Variants in RAB37 observed in about 807,000 individuals in gnomAD.
RAB37 encodes the protein RAB37, member RAS oncogene family.
In RAB37, 29 loss-of-function variants were observed where a neutral mutation model predicts 33.1. That is an observed-to-expected ratio of 0.88 (90% CI 0.65 to 1.20). The LOEUF (loss-of-function observed/expected upper bound fraction) is 1.20, where lower values mean the gene tolerates loss of function less well. RAB37 is among the 50% of genes most tolerant of loss of function. The pLI, the probability that RAB37 is intolerant of heterozygous loss-of-function variation, is 0.00. For missense variants in RAB37, 299 were observed against 301.1 expected, an observed-to-expected ratio of 0.99 and a Z score of 0.05; for synonymous variants, 128 against 119.5, an observed-to-expected ratio of 1.07 and a Z score of -0.47.
chr17:74,700,267 T>C (rs1485989410), intron 1 of RAB37, among the ~76,000 whole-genome samples: 2 of 152,136 alleles, frequency 1.3e-5, no homozygotes, highest in African/African-American at 4.8e-5. Flanking sequence ...GACAATGGCC[T>C]CCACTCCTGC....
Position 74,729,968 on chromosome 17 carries a change from T to G in RAB37, c.183+602T>G, listed in dbSNP as rs1022159492. 3.3e-5 allele frequency among the ~76,000 whole-genome samples: 5 copies of G among 152,142 alleles called. No homozygotes were observed. The highest frequency in any genetic ancestry group is 6.5e-5 in the Admixed American group (1 of 15,276). On this transcript the variant is annotated intron_variant, in intron 2 of 7. Transcript: ENST00000340415. The surrounding 1 kb of genome is among the most constrained non-coding windows in gnomAD (Gnocchi z 4.2). ...GCCCAGGTTACAGTTCCGTGTTTAG[T>G]CCTCGGTAAAATGGTAAAAGGGCAG...
Position 74,686,565 on chromosome 17 carries a change from ATT to A in RAB37, c.72+14914_72+14915del, listed in dbSNP as rs536902826. On this transcript the variant is annotated intron_variant, in intron 1 of 7. Coordinates refer to the RAB37 transcript ENST00000340415. The stretch of plus-strand genomic sequence containing the variant: ...ACCACTACACCTAGCTAGTTTTTGT[ATT>A]TTTTTTAGTAGATACGAGGTTTTGC... Among the ~76,000 whole-genome samples, 44 of 150,020 alleles carry A rather than the reference ATT, an allele frequency of 2.9e-4. No homozygotes were observed. The South Asian group carries it at 9.1e-3, about 31-fold the overall frequency.
intron 1 of RAB37, among the ~76,000 whole-genome samples, chr17:74,683,184 C>G (rs751301850): frequency 2.0e-5 from 3 of 152,198 alleles, no homozygotes; most frequent in Admixed American, 6.5e-5. Context: ...ACTGCTGTCA[C>G]CCTATGAAGC....
chr17:74,694,393 G>A (rs1269246169), intron 1 of RAB37: 2 of 152,204 alleles, frequency 1.3e-5, no homozygotes, highest in African/African-American at 4.8e-5. Flanking sequence ...ATGGGCTCAA[G>A]TCAAGGCGTG....
intron 2 of RAB37, among the ~76,000 whole-genome samples, chr17:74,732,184 CA>C (rs1481687741): frequency 6.6e-6 from 1 of 152,204 alleles, no homozygotes; most frequent in Non-Finnish European, 1.5e-5. Context: ...TAAAAGCCTC[CA>C]GGGGGAAGCT....
At chr17:74,688,306 T>C (rs2032093876) in intron 1 of RAB37, among the ~76,000 whole-genome samples, 1 of 152,018 alleles carries the variant, frequency 6.6e-6, no homozygotes, top group African/African-American at 2.4e-5. Context: ...TCCCAGCACT[T>C]TGGGAGGCCA....
At chr17:74,700,450 G>A (rs1031177682) in intron 1 of RAB37, among the ~76,000 whole-genome samples, 1 of 152,048 alleles carries the variant, frequency 6.6e-6, no homozygotes, top group Non-Finnish European at 1.5e-5. Flanking sequence ...CTTTGCTCAA[G>A]AATCACTCGA....
intron 1 of RAB37, among the ~76,000 whole-genome samples, chr17:74,728,845 C>T (rs566453588): frequency 8.3e-4 from 125 of 150,430 alleles, no homozygotes; most frequent in African/African-American, 2.9e-3. Context: ...GTGTCTTGTG[C>T]ATGTATGTTT....
upstream of RAB37, among the ~76,000 whole-genome samples, chr17:74,734,946 AAG>A (rs1294497287): frequency 8.6e-6 from 1 of 116,356 alleles, no homozygotes; most frequent in African/African-American, 4.2e-5. Context: ...GAAAGAAAGA[AAG>A]AGAGAAAGAA....
At chr17:74,690,943 G>A (rs146260172) in intron 1 of RAB37, among the ~76,000 whole-genome samples, 1 of 152,240 alleles carries the variant, frequency 6.6e-6, no homozygotes, top group Non-Finnish European at 1.5e-5. Flanking sequence ...TTTTGAGACA[G>A]GGTCTCGTTC....
At chr17:74,727,648 G>A (rs2034321553) in intron 1 of RAB37, among the ~76,000 whole-genome samples, 1 of 152,256 alleles carries the variant, frequency 6.6e-6, no homozygotes, top group Non-Finnish European at 1.5e-5. Flanking sequence ...CGGCAGTGGG[G>A]ACCATCGGTC....
chr17:74,704,343 G>T (rs1394887380), intron 1 of RAB37: 2 of 674,398 alleles, frequency 3.0e-6, no homozygotes, highest in African/African-American at 1.8e-5. Flanking sequence ...GTCCCAGGTG[G>T]TCAGTCAGGG....
chr17:74,729,996 C>T lies in RAB37; in HGVS notation c.183+630C>T, dbSNP rs1352258903. 6.6e-6 allele frequency among the ~76,000 whole-genome samples: 1 copy of T among 152,094 alleles called. No homozygotes were observed. The highest frequency in any genetic ancestry group is 1.5e-5 in the Non-Finnish European group (1 of 68,022). On this transcript the variant is annotated intron_variant, in intron 2 of 7. Transcript: ENST00000340415. This position sits in a 1 kb window ranked among gnomAD's most constrained non-coding sequence, Gnocchi z 4.2. ...TCGGTAAAATGGTAAAAGGGCAGCT[C>T]GGGTTAAGGAAGCCCAGTGCCCTCG...
chr17:74,696,935 T>C (rs969381004), intron 1 of RAB37, among the ~76,000 whole-genome samples: 1 of 151,658 alleles, frequency 6.6e-6, no homozygotes, highest in Admixed American at 6.6e-5. Context: ...TTTGGTTTGG[T>C]TTGGTTTGGT....
chr17:74,695,721 G>T, intron 1 of RAB37: 1 of 1,614,090 alleles, frequency 6.2e-7, no homozygotes, highest in Non-Finnish European at 8.5e-7. Context: ...CATGGAGGAC[G>T]CACCATGGTG....
chr17:74,742,058 C>T lies in RAB37; in HGVS notation c.205-196C>T, dbSNP rs2034632142. Among the ~76,000 whole-genome samples the T allele has an allele frequency of 6.6e-6, 1 of 152,182 alleles. No individual in the cohort carries two copies. The highest frequency in any genetic ancestry group is 2.1e-4 in the South Asian group (1 of 4,834). Reference sequence around the variant, plus strand: ...CTGTTGTGAGAAGGCAGTTACAGTCCTCAGAAGGGACGACTCCACAGTGGA... The same window carrying T: ...CTGTTGTGAGAAGGCAGTTACAGTCTTCAGAAGGGACGACTCCACAGTGGA... On this transcript the variant is annotated intron_variant, in intron 2 of 8. Coordinates refer to ENST00000392613, the MANE Select transcript of RAB37 (RefSeq NM_001006638.3). The surrounding 1 kb of genome is among the most constrained non-coding windows in gnomAD (Gnocchi z 4.0).
chr17:74,671,875 CTTCA>C lies in RAB37; in HGVS notation c.72+226_72+229del, dbSNP rs2031715139. Among the ~76,000 whole-genome samples, 1 of 152,190 alleles carries C rather than the reference CTTCA, an allele frequency of 6.6e-6. No individual in the cohort carries two copies. Among genetic ancestry groups the C allele is most frequent in the South Asian group, 2.1e-4 (1 of 4,834 alleles). ...CGCCAGAGGCTCAGATGGTCAGAAG[CTTCA>C]TTCATTCACTTACATCATCTGTGTT... is the stretch of plus-strand genomic sequence containing the variant. On this transcript the variant is annotated intron_variant, in intron 1 of 7. Coordinates refer to the RAB37 transcript ENST00000340415. The surrounding 1 kb of genome is among the most constrained non-coding windows in gnomAD (Gnocchi z 5.0).
upstream of RAB37, among the ~76,000 whole-genome samples, chr17:74,735,830 G>T (rs2034466184): frequency 1.3e-5 from 2 of 152,184 alleles, no homozygotes; most frequent in Non-Finnish European, 2.9e-5. Context: ...AGGGCTGGAG[G>T]CTGGCGTACA....
intron 1 of RAB37, among the ~76,000 whole-genome samples, chr17:74,686,678 G>A (rs2032061509): frequency 6.6e-6 from 1 of 152,184 alleles, no homozygotes; most frequent in African/African-American, 2.4e-5. Flanking sequence ...ACAGGCATGA[G>A]CCATACAACC....
Sources: allele counts gnomAD v4.1 joint callset (sites outside exome capture counted in the v4.1 genomes callset), GRCh38; gene constraint gnomAD v4.1.1; non-coding constraint Gnocchi (gnomAD v3.1); transcripts MANE v1.5; gene names NCBI Gene and HGNC (gene_info 2026-07-23, HGNC 2026-07-21).